Variants in CSMD1 observed in about 807,000 individuals in gnomAD.
CSMD1 encodes CUB and sushi domain-containing protein 1.
Under a neutral mutation model 417.5 loss-of-function variants are expected in CSMD1, and 213 were observed. That is an observed-to-expected ratio of 0.51 (90% CI 0.46 to 0.57). CSMD1 has a LOEUF of 0.57. Among genes scored for constraint, CSMD1 ranks in the 20% least tolerant of loss-of-function variants. CSMD1 has a pLI of 0.00. For synonymous variants in CSMD1, 2,862 were observed against 1,736.8 expected (o/e 1.65, Z -16.11); for missense variants, 6,923 against 4,529.7 (o/e 1.53, Z -15.17).
At chr8:4,175,884 A>T (rs1432708060) in intron 3 of CSMD1, among the ~76,000 whole-genome samples, 1 of 152,184 alleles carries the variant, frequency 6.6e-6, no homozygotes, top group African/African-American at 2.4e-5. Flanking sequence ...AATGGGGTCC[A>T]GTTGATTTCT....
At chr8:3,372,406 A>T (rs1472163039) in intron 18 of CSMD1, among the ~76,000 whole-genome samples, 1 of 152,028 alleles carries the variant, frequency 6.6e-6, no homozygotes, top group Admixed American at 6.6e-5. Flanking sequence ...CGATCTCATG[A>T]CCTACCTGGG....
chr8:4,202,043 C>G (rs917145440), intron 3 of CSMD1, among the ~76,000 whole-genome samples: 1 of 152,142 alleles, frequency 6.6e-6, no homozygotes, highest in Non-Finnish European at 1.5e-5. Context: ...ATCTCCCAGT[C>G]CTGCTGTGGG....
At chr8:4,091,006 C>T (rs1275129421) in intron 3 of CSMD1, among the ~76,000 whole-genome samples, 1 of 151,716 alleles carries the variant, frequency 6.6e-6, no homozygotes, top group African/African-American at 2.4e-5. Context: ...GCAACCTCCA[C>T]CTCCTGGGTT....
chr8:4,517,420 A>G (rs1034248396), intron 2 of CSMD1, among the ~76,000 whole-genome samples: 2 of 152,232 alleles, frequency 1.3e-5, no homozygotes, highest in African/African-American at 4.8e-5. Context: ...TAACACGCAG[A>G]TAATAAAGAA....
intron 1 of CSMD1, among the ~76,000 whole-genome samples, chr8:4,645,444 C>CAAAAAAAAA (rs549511320): frequency 0.07 from 2,571 of 36,854 alleles, 797 homozygotes; most frequent in Admixed American, 0.12. Flanking sequence ...AGTGCAGGGG[C>CAAAAAAAAA]AAAAAAAAAA....
chr8:3,757,849 C>G (rs1461576322), intron 5 of CSMD1, among the ~76,000 whole-genome samples: 1 of 78,772 alleles, frequency 1.3e-5, no homozygotes, highest in Non-Finnish European at 2.6e-5. Flanking sequence ...GACTTCATCT[C>G]AAAAAACAAA....
chr8:3,436,806 C>A (rs549233021), intron 12 of CSMD1, among the ~76,000 whole-genome samples: 3 of 152,260 alleles, frequency 2.0e-5, no homozygotes, highest in African/African-American at 7.2e-5. Context: ...AAAACAAACA[C>A]TGTCCATGGC....
chr8:3,187,927 G>A lies in CSMD1; in HGVS notation c.5562C>T (p.Asp1854=), dbSNP rs1796162055. The change falls in exon 36 of 70, where the codon GAC becomes GAT. Residue 1854 remains aspartate (D), a synonymous_variant. Coordinates refer to ENST00000635120, the MANE Select transcript of CSMD1 (RefSeq NM_033225.6). ...VISFATEQNW[D]SLEIHDGGDV... is the part of the protein sequence containing the mutation. Reference sequence around the variant, plus strand: ...CCCCACCATCGTGGATCTCAAGGGAGTCCCAGTTCTGCTCCGTGGCAAAAC... The same window carrying A: ...CCCCACCATCGTGGATCTCAAGGGAATCCCAGTTCTGCTCCGTGGCAAAAC... 1 of 1,613,332 alleles carries A rather than the reference G, an allele frequency of 6.2e-7. No homozygotes were observed. Among genetic ancestry groups the A allele is most frequent in the Non-Finnish European group, 8.5e-7 (1 of 1,179,730 alleles).
At chr8:3,368,531 G>C (rs182338420) in intron 19 of CSMD1, among the ~76,000 whole-genome samples, 1 of 152,080 alleles carries the variant, frequency 6.6e-6, no homozygotes, top group Non-Finnish European at 1.5e-5. Context: ...TAGAGACAAG[G>C]TTCCACCATA....
At chr8:3,834,070 ATAT>A (rs1802526883) in intron 5 of CSMD1, among the ~76,000 whole-genome samples, 2 of 152,186 alleles carry the variant, frequency 1.3e-5, no homozygotes, top group Non-Finnish European at 2.9e-5. Flanking sequence ...TACTGAAAAA[ATAT>A]TATACTTTGA....
chr8:3,945,046 C>G (rs939291565), intron 5 of CSMD1, among the ~76,000 whole-genome samples: 1 of 152,146 alleles, frequency 6.6e-6, no homozygotes, highest in Admixed American at 6.5e-5. Flanking sequence ...CCAGAGAGAG[C>G]TCTATAATCC....
intron 4 of CSMD1, among the ~76,000 whole-genome samples, chr8:4,020,953 G>A (rs577555248): frequency 5.3e-5 from 8 of 152,282 alleles, no homozygotes; most frequent in African/African-American, 1.9e-4. Context: ...ATTGTGACGT[G>A]GACTTTGATA....
chr8:4,689,456 G>A (rs1228022019), intron 1 of CSMD1, among the ~76,000 whole-genome samples: 1 of 152,168 alleles, frequency 6.6e-6, no homozygotes, highest in Non-Finnish European at 1.5e-5. Context: ...ATTTATATTA[G>A]AAGGATTTGT....
At chr8:4,216,301 TTCTA>T (rs1800664217) in intron 3 of CSMD1, among the ~76,000 whole-genome samples, 1 of 152,140 alleles carries the variant, frequency 6.6e-6, no homozygotes, top group Non-Finnish European at 1.5e-5. Context: ...GCCTAGTCAA[TTCTA>T]TCTGTCACCT....
intron 3 of CSMD1, among the ~76,000 whole-genome samples, chr8:4,194,215 T>C (rs1016577772): frequency 6.6e-6 from 1 of 152,290 alleles, no homozygotes; most frequent in African/African-American, 2.4e-5. Context: ...ATTTCTTTCG[T>C]CCAGCAATCA....
chr8:3,417,525 T>A (rs140582218), intron 12 of CSMD1, among the ~76,000 whole-genome samples: 2 of 152,350 alleles, frequency 1.3e-5, no homozygotes, highest in East Asian at 3.9e-4. Context: ...AACTTAAGGC[T>A]TAAAAACTTT....
chr8:4,295,452 TAC>T (rs1180295217), intron 3 of CSMD1, among the ~76,000 whole-genome samples: 1 of 144,464 alleles, frequency 6.9e-6, no homozygotes, highest in Non-Finnish European at 1.5e-5. Context: ...AATCTTATTA[TAC>T]ACATATAATC....
At chr8:4,078,449 G>A (rs1452437413) in intron 3 of CSMD1, among the ~76,000 whole-genome samples, 1 of 150,998 alleles carries the variant, frequency 6.6e-6, no homozygotes, top group Non-Finnish European at 1.5e-5. Context: ...TGAATAGCTG[G>A]GACTACAGGT....
intron 2 of CSMD1, among the ~76,000 whole-genome samples, chr8:4,546,271 G>A (rs543265509): frequency 6.6e-6 from 1 of 152,274 alleles, no homozygotes; most frequent in South Asian, 2.1e-4. Context: ...TCCTTTCCAT[G>A]TTCTTTTCTG....
Sources: allele counts gnomAD v4.1 joint callset (sites outside exome capture counted in the v4.1 genomes callset), GRCh38; gene constraint gnomAD v4.1.1; transcripts MANE v1.5; gene names NCBI Gene and HGNC (gene_info 2026-07-23, HGNC 2026-07-21).